CLIC2: variants seen among roughly 807,000 people sequenced by gnomAD.
CLIC2 encodes CLIC family member 2.
In CLIC2, 9 loss-of-function variants were observed where a neutral mutation model predicts 14.8. The observed-to-expected ratio is 0.61, with a 90% confidence interval of 0.37 to 1.06. CLIC2 has a LOEUF of 1.06. Among genes scored for constraint, CLIC2 ranks in the 50% least tolerant of loss-of-function variants. The pLI, the probability that CLIC2 is intolerant of heterozygous loss-of-function variation, is 0.01. For missense variants in CLIC2, 148 were observed against 181.4 expected (o/e 0.82, Z 1.06); for synonymous variants, 61 against 66.3 (o/e 0.92, Z 0.39).
chrX:155,324,750 C>T (rs1602961898), intron 1 of CLIC2, among the ~76,000 whole-genome samples: 1 of 111,588 alleles, frequency 9.0e-6, no homozygotes, highest in East Asian at 2.8e-4. Flanking sequence ...CAACAAAAGC[C>T]AAAATTGACA....
At chrX:155,285,748 C>A (rs2074939633) in intron 3 of CLIC2, among the ~76,000 whole-genome samples, 1 of 111,308 alleles carries the variant, frequency 9.0e-6, no homozygotes, top group African/African-American at 3.3e-5. Context: ...GTTGAAATCC[C>A]TAATGAAATT....
In CLIC2 at chrX:155,297,884, A is replaced by AAAAAAAAAAAAAAAAAAAAAATG. The variant is rs1557318527; in HGVS notation, c.293+900_293+901insCATTTTTTTTTTTTTTTTTTTTT. On this transcript the variant is annotated intron_variant, in intron 3 of 5. Transcript: ENST00000369449. ...TCAAAAAAAAAAAAAAAAAAAAAAAAAAGAAGGTGAACCATCAGAGAGACA... is the reference window on the plus strand; with the variant it reads ...TCAAAAAAAAAAAAAAAAAAAAAAAAAAAAAAAAAAAAAAAAAAAAATGAAGAAGGTGAACCATCAGAGAGACA... Among the ~76,000 whole-genome samples the AAAAAAAAAAAAAAAAAAAAAATG allele has an allele frequency of 4.4e-5, 2 of 45,217 alleles. 1 individual carries two copies. The highest frequency in any genetic ancestry group is 9.7e-5 in the Non-Finnish European group (2 of 20,618). 39.3% of individuals were successfully genotyped at this position (45,217 alleles called of 115,157 possible).
chrX:155,304,853 T>C lies in CLIC2; in HGVS notation c.58-5708A>G, dbSNP rs1186411104. 2.2e-4 allele frequency among the ~76,000 whole-genome samples: 20 copies of C among 90,237 alleles called. 1 individual carries two copies. Among genetic ancestry groups the C allele is most frequent in the African/African-American group, 7.5e-4 (20 of 26,809 alleles). 78.4% of individuals were successfully genotyped at this position (90,237 alleles called of 115,157 possible). On this transcript the variant is annotated intron_variant, in intron 1 of 5. Coordinates refer to ENST00000369449, the MANE Select transcript of CLIC2 (RefSeq NM_001289.6). ...AGTACCCTGCCGTGTGAGGTGTCAGTGTGCCCCTGCTGGGGGGTGCCTCCC... is the reference window on the plus strand; with the variant it reads ...AGTACCCTGCCGTGTGAGGTGTCAGCGTGCCCCTGCTGGGGGGTGCCTCCC...
At chrX:155,290,071 T>C (rs782344541) in intron 3 of CLIC2, among the ~76,000 whole-genome samples, 1 of 112,287 alleles carries the variant, frequency 8.9e-6, no homozygotes, top group South Asian at 3.7e-4. Flanking sequence ...ACTGGCTCAA[T>C]TGTATAAAAT....
rs1260930011 is a variant in CLIC2 at position 155,279,276 on chromosome X, G to T, written c.455C>A (p.Thr152Asn). 2.1e-5 allele frequency: 25 copies of T among 1,208,153 alleles called. No homozygotes were observed. The Admixed American group carries it at 4.6e-4, about 22-fold the overall frequency. The change falls in exon 5 of 6, where the codon ACC becomes AAC. Residue 152 changes from threonine to asparagine, a missense_variant. By Grantham distance (65) the Thr-to-Asn change is moderately conservative. Transcript: ENST00000369449. ...TGGATCAATTTCATCCAGAAGTGGGGTGTTTAAGTAGTCATCCAGACGCTT... is the reference window on the plus strand; with the variant it reads ...TGGATCAATTTCATCCAGAAGTGGGTTGTTTAAGTAGTCATCCAGACGCTT... ...EFKRLDDYLNTPLLDEIDPDS... is the reference protein window; with the variant it reads ...EFKRLDDYLNNPLLDEIDPDS...
In CLIC2 at chrX:155,298,648, G is replaced by C. The variant is rs1351439957; in HGVS notation, c.293+137C>G. The C allele has an allele frequency of 6.3e-6, 4 of 632,869 alleles. No homozygotes were observed. The African/African-American group carries it at 8.8e-5, about 14-fold the overall frequency. 52.2% of individuals were successfully genotyped at this position (632,869 alleles called of 1,213,427 possible). ...TTTGTATTTGAAGTTGGAGGGGTAT[G>C]TTTATGCATGTGTGTCATTTGACAT... is the stretch of plus-strand genomic sequence containing the variant. On this transcript the variant is annotated intron_variant, in intron 3 of 5. Coordinates refer to ENST00000369449, the MANE Select transcript of CLIC2 (RefSeq NM_001289.6).
At chrX:155,305,565 G>A (rs782762243) in intron 1 of CLIC2, among the ~76,000 whole-genome samples, 8 of 112,491 alleles carry the variant, frequency 7.1e-5, no homozygotes, top group South Asian at 7.3e-4. Flanking sequence ...GCTGTAGACC[G>A]GAGCTGTTCC....
At chrX:155,291,173 A>G in intron 3 of CLIC2, 2 of 993,613 alleles carry the variant, frequency 2.0e-6, no homozygotes. Flanking sequence ...TGAATAATAT[A>G]TAGCACAGTT....
At chrX:155,318,469 T>C (rs1335576627) in intron 1 of CLIC2, among the ~76,000 whole-genome samples, 1 of 110,896 alleles carries the variant, frequency 9.0e-6, no homozygotes, top group Non-Finnish European at 1.9e-5. Context: ...TTGCAAAAAA[T>C]AAAATAAAAT....
At chrX:155,317,362 T>C (rs1232915030) in intron 1 of CLIC2, among the ~76,000 whole-genome samples, 2 of 111,373 alleles carry the variant, frequency 1.8e-5, no homozygotes, top group African/African-American at 3.3e-5. Context: ...CAATTAGAAA[T>C]GAAATGAGAG....
At chrX:155,321,787 C>T (rs1184781432) in intron 1 of CLIC2, among the ~76,000 whole-genome samples, 2 of 110,836 alleles carry the variant, frequency 1.8e-5, no homozygotes, top group Non-Finnish European at 3.8e-5. Context: ...AGAGTCAAGA[C>T]CCATCAGTGT....
At chrX:155,294,431 A>G (rs1366526754) in intron 3 of CLIC2, among the ~76,000 whole-genome samples, 2 of 112,084 alleles carry the variant, frequency 1.8e-5, no homozygotes, top group Non-Finnish European at 3.8e-5. Flanking sequence ...TATAGCAATA[A>G]ATGCCTACAT....
At position 155,277,523 on chromosome X, in the gene CLIC2, G is replaced by A. The variant is rs1314633073; in HGVS notation, c.*380C>T. 2 of 127,758 alleles carry A rather than the reference G, an allele frequency of 1.6e-5. No individual in the cohort carries two copies. Among genetic ancestry groups the A allele is most frequent in the South Asian group, 2.7e-4 (1 of 3,751 alleles). The allele number at this position is 127,758 out of a possible 1,213,427, so 10.5% of individuals were successfully genotyped here. ...AACAAAAATGTGAAATTATTTTAGC[G>A]ATTTATATGGAAATGTTTCTAAGGA... is the stretch of plus-strand genomic sequence containing the variant. On this transcript the variant is annotated 3_prime_UTR_variant, in exon 6 of 6. Transcript: ENST00000369449.
At chrX:155,281,673 C>A (rs1363985405) in intron 3 of CLIC2, among the ~76,000 whole-genome samples, 1 of 111,121 alleles carries the variant, frequency 9.0e-6, no homozygotes, top group Non-Finnish European at 1.9e-5. Flanking sequence ...GCGCCCCTGC[C>A]CAGTCCAAAG....
intron 3 of CLIC2, chrX:155,292,179 A>C (rs2074969655): frequency 1.8e-6 from 1 of 566,061 alleles, no homozygotes; most frequent in African/African-American, 2.2e-5. Flanking sequence ...ATGCTTCAAG[A>C]ACAAGTCAGT....
chrX:155,299,007 A>G (rs782013964), intron 2 of CLIC2, 29 bp downstream of exon 2: 1 of 1,175,917 alleles, frequency 8.5e-7, no homozygotes, highest in Non-Finnish European at 1.2e-6. Context: ...CTCAATTCCT[A>G]GAATTTAACA....
intron 3 of CLIC2, among the ~76,000 whole-genome samples, chrX:155,288,003 G>T (rs2074949115): frequency 9.0e-6 from 1 of 111,317 alleles, no homozygotes; most frequent in African/African-American, 3.3e-5. Flanking sequence ...TTATTTTTTT[G>T]TGTGTGGCAA....
Position 155,334,383 on chromosome X carries a change from C to T in CLIC2, c.45G>A (p.Glu15=), listed in dbSNP as rs781809793. The change falls in exon 1 of 6, where the codon GAG becomes GAA. Residue 15 remains glutamate, a synonymous_variant. Coordinates refer to ENST00000369449, the MANE Select transcript of CLIC2 (RefSeq NM_001289.6). ...CTGGAAAACTTACCTTTACAAAAAGCTCAATCTCAGGGTCCACTTGAGTGC... is the reference window on the plus strand; with the variant it reads ...CTGGAAAACTTACCTTTACAAAAAGTTCAATCTCAGGGTCCACTTGAGTGC... ...RPGTQVDPEI[E]LFVKAGSDGE... 8.3e-7 allele frequency: 1 copy of T among 1,208,433 alleles called. No homozygotes were observed. Among genetic ancestry groups the T allele is most frequent in the South Asian group, 1.8e-5 (1 of 56,932 alleles).
At chrX:155,334,168 C>T (rs1327950578) in intron 1 of CLIC2, among the ~76,000 whole-genome samples, 1 of 111,414 alleles carries the variant, frequency 9.0e-6, no homozygotes, top group East Asian at 2.8e-4. Context: ...TATCACCTTG[C>T]CTTTTTCAGA....
Sources: gnomAD v4.1 joint callset for allele counts (sites outside exome capture counted in the v4.1 genomes callset) on GRCh38, gnomAD v4.1.1 for gene constraint, MANE v1.5 for transcripts, NCBI Gene and HGNC (gene_info 2026-07-23, HGNC 2026-07-21) for gene names.